MARCHF1: variants seen among roughly 807,000 people sequenced by gnomAD.
MARCHF1 encodes membrane associated ring-CH-type finger 1, also known as E3 ubiquitin-protein ligase MARCHF1.
A neutral mutation model predicts 54.2 loss-of-function variants in MARCHF1; 40 were observed. The observed-to-expected ratio is 0.74, with a 90% CI of 0.57 to 0.96. MARCHF1 has a LOEUF of 0.96. Among genes scored for constraint, MARCHF1 ranks in the 40% least tolerant of loss-of-function variants. The probability of loss-of-function intolerance (pLI) is 0.00; values close to 1 mark genes in which losing one functional copy is unlikely to be tolerated. For synonymous variants in MARCHF1, 236 were observed against 236.3 expected, an observed-to-expected ratio of 1.00 and a Z score of 0.01; for missense variants, 586 against 656.5, an observed-to-expected ratio of 0.89 and a Z score of 1.17.
At chr4:163,645,838 C>A (rs1249135385) in intron 5 of MARCHF1, among the ~76,000 whole-genome samples, 1 of 152,042 alleles carries the variant, frequency 6.6e-6, no homozygotes, top group Non-Finnish European at 1.5e-5. Flanking sequence ...AATAAGGGTC[C>A]TTTGGGGCAC....
At position 163,612,435 on chromosome 4, in the gene MARCHF1, A is replaced by G. The variant is rs948743742; in HGVS notation, c.846T>C (p.Asn282=). ...DPQLLQSLRK[N]EIMKKTFSET... is the part of the protein sequence containing the mutation. ...CTGAAAATGTCTTCTTCATTATTTC[A>G]TTTTTCCTAAGACTTTGCAAGAGCT... is the stretch of plus-strand genomic sequence containing the variant. Residue 282 remains asparagine (N), a synonymous_variant, in exon 7 of 10, where the codon AAT becomes AAC. Coordinates refer to ENST00000514618, the MANE Select transcript of MARCHF1 (RefSeq NM_001394959.1). The G allele has an allele frequency of 2.6e-6, 4 of 1,534,664 alleles. No individual in the cohort carries two copies. The highest frequency in any genetic ancestry group is 3.5e-6 in the Non-Finnish European group (4 of 1,146,336).
intron 4 of MARCHF1, among the ~76,000 whole-genome samples, chr4:163,848,603 T>G (rs1749552505): frequency 6.6e-6 from 1 of 152,176 alleles, no homozygotes; most frequent in Non-Finnish European, 1.5e-5. Context: ...GTAAATTCCT[T>G]AAGGGTATAG....
chr4:164,065,470 CA>C (rs1225673737), intron 2 of MARCHF1, among the ~76,000 whole-genome samples: 1 of 152,126 alleles, frequency 6.6e-6, no homozygotes, highest in Non-Finnish European at 1.5e-5. Flanking sequence ...AGCTTCCACA[CA>C]GTGAAAGAAA....
At chr4:164,039,779 T>C (rs1754085312) in intron 2 of MARCHF1, among the ~76,000 whole-genome samples, 1 of 151,990 alleles carries the variant, frequency 6.6e-6, no homozygotes, top group Non-Finnish European at 1.5e-5. Context: ...CGAGAATTCT[T>C]GACATGGTTT....
intron 1 of MARCHF1, among the ~76,000 whole-genome samples, chr4:164,174,008 G>A (rs1329718556): frequency 1.3e-5 from 2 of 152,190 alleles, no homozygotes; most frequent in Non-Finnish European, 2.9e-5. Context: ...TTACTCTGTA[G>A]AAATCGTCTC....
At position 163,969,229 on chromosome 4, in the gene MARCHF1, G is replaced by T. The variant is rs897914688; in HGVS notation, c.-39+19272C>A. 3.3e-5 allele frequency among the ~76,000 whole-genome samples: 5 copies of T among 152,262 alleles called. No individual in the cohort carries two copies. In the East Asian group the frequency reaches 9.7e-4, roughly 29 times the overall value. On this transcript the variant is annotated intron_variant, in intron 3 of 9. Coordinates refer to ENST00000514618, the MANE Select transcript of MARCHF1 (RefSeq NM_001394959.1). ...TATGCACAGCTGGTAAACTCTATTT[G>T]CATTTTCATATTTTGTGCTAAGCTC...
chr4:163,728,501 A>C (rs1011038615), intron 4 of MARCHF1, among the ~76,000 whole-genome samples: 7 of 151,890 alleles, frequency 4.6e-5, no homozygotes, highest in African/African-American at 1.7e-4. Flanking sequence ...TTTCACATTG[A>C]TCTTCCCCCC....
intron 4 of MARCHF1, among the ~76,000 whole-genome samples, chr4:163,759,035 A>G (rs1163706716): frequency 1.3e-5 from 2 of 152,070 alleles, no homozygotes. Context: ...CATCAAAGTA[A>G]TAAGTTTTAT....
At chr4:164,380,964 C>A (rs7654787) in intron 1 of MARCHF1, among the ~76,000 whole-genome samples, 79,635 of 151,582 alleles carry the variant, frequency 0.53, 21,653 homozygotes, top group East Asian at 0.64. Context: ...GGGTAAAGGA[C>A]GTTTCGCTCT....
intron 3 of MARCHF1, among the ~76,000 whole-genome samples, chr4:163,973,091 T>A (rs1258578924): frequency 6.6e-6 from 1 of 152,210 alleles, no homozygotes; most frequent in Non-Finnish European, 1.5e-5. Flanking sequence ...TGAATTTAAC[T>A]TCTTCAAAGA....
chr4:163,925,868 C>A (rs1751525723), intron 3 of MARCHF1, among the ~76,000 whole-genome samples: 1 of 151,502 alleles, frequency 6.6e-6, no homozygotes, highest in African/African-American at 2.4e-5. Context: ...AGAAAAAATT[C>A]TGGTATAAAA....
chr4:163,736,310 T>C (rs1203203258), intron 4 of MARCHF1, among the ~76,000 whole-genome samples: 2 of 152,120 alleles, frequency 1.3e-5, no homozygotes, highest in Non-Finnish European at 2.9e-5. Flanking sequence ...CCAAGAAAGC[T>C]ACTAAGTGAC....
At chr4:163,785,305 C>A (rs1400726866) in intron 4 of MARCHF1, among the ~76,000 whole-genome samples, 5 of 152,082 alleles carry the variant, frequency 3.3e-5, no homozygotes, top group Admixed American at 3.3e-4. Flanking sequence ...TTGAAATTTT[C>A]TCCATTGTTT....
intron 1 of MARCHF1, among the ~76,000 whole-genome samples, chr4:164,134,033 A>C (rs1159633965): frequency 6.6e-6 from 1 of 152,234 alleles, no homozygotes; most frequent in Non-Finnish European, 1.5e-5. Context: ...TAGGTATTCA[A>C]TTAAAGTTTT....
chr4:164,308,015 T>C (rs1411026301), intron 1 of MARCHF1, among the ~76,000 whole-genome samples: 1 of 152,202 alleles, frequency 6.6e-6, no homozygotes, highest in Admixed American at 6.5e-5. Context: ...ATAGTTACGC[T>C]GAATCTTTCA....
At chr4:164,049,303 C>T (rs1053649494) in intron 2 of MARCHF1, among the ~76,000 whole-genome samples, 1 of 152,150 alleles carries the variant, frequency 6.6e-6, no homozygotes, top group African/African-American at 2.4e-5. Flanking sequence ...GAACCACCCC[C>T]GTGATTCAAT....
intron 1 of MARCHF1, among the ~76,000 whole-genome samples, chr4:164,346,294 G>A (rs977711712): frequency 6.6e-6 from 1 of 152,058 alleles, no homozygotes; most frequent in African/African-American, 2.4e-5. Flanking sequence ...AGAATTTTAC[G>A]TTCTATAAAT....
At chr4:164,070,281 A>G (rs774683393) in intron 2 of MARCHF1, among the ~76,000 whole-genome samples, 4 of 152,206 alleles carry the variant, frequency 2.6e-5, no homozygotes, top group Non-Finnish European at 5.9e-5. Flanking sequence ...ACAATGTTAA[A>G]TGTGACAAAT....
chr4:163,876,694 T>C (rs1490674875), intron 3 of MARCHF1, among the ~76,000 whole-genome samples: 1 of 152,058 alleles, frequency 6.6e-6, no homozygotes, highest in African/African-American at 2.4e-5. Flanking sequence ...ATTGCCAAAA[T>C]AAGGAGGTTG....
Sources: gnomAD v4.1 joint callset for allele counts (sites outside exome capture counted in the v4.1 genomes callset) on GRCh38, gnomAD v4.1.1 for gene constraint, MANE v1.5 for transcripts, NCBI Gene and HGNC (gene_info 2026-07-23, HGNC 2026-07-21) for gene names.